LDLRAD3: variants seen among roughly 807,000 people sequenced by gnomAD.
LDLRAD3 encodes low-density lipoprotein receptor class A domain-containing protein 3.
A neutral mutation model predicts 29.4 loss-of-function variants in LDLRAD3; 20 were observed. The ratio of observed to expected loss-of-function variants is 0.68; its 90% CI spans 0.48 to 0.99. LDLRAD3 has a LOEUF of 0.99. Ranked by LOEUF, LDLRAD3 falls within the 50% of genes least tolerant of loss-of-function variation. LDLRAD3 has a pLI of 0.00. For synonymous variants in LDLRAD3, 157 were observed against 192.7 expected (o/e 0.81, Z 1.53); for missense variants, 420 against 454.3 (o/e 0.92, Z 0.69).
intron 4 of LDLRAD3, among the ~76,000 whole-genome samples, chr11:36,141,498 T>G (rs10836507): frequency 0.13 from 20,372 of 151,998 alleles, 1,627 homozygotes; most frequent in East Asian, 0.25. Flanking sequence ...CACAGCCCCA[T>G]CCCTGTCCTG....
chr11:36,197,520 C>T (rs1409107358), intron 4 of LDLRAD3: 1 of 152,224 alleles, frequency 6.6e-6, no homozygotes, highest in Non-Finnish European at 1.5e-5. Flanking sequence ...CCATACTGAC[C>T]TCATAACGAA....
intron 1 of LDLRAD3, among the ~76,000 whole-genome samples, chr11:35,977,398 G>C (rs908220273): frequency 3.3e-5 from 5 of 152,160 alleles, no homozygotes; most frequent in African/African-American, 1.2e-4. Context: ...GTAAAATCAG[G>C]AGTCTTTTTA....
At position 35,985,754 on chromosome 11, in the gene LDLRAD3, A is replaced by G. The variant is rs539325240; in HGVS notation, c.46+41610A>G. ...CCCTACACAGGCTCTCTTGCCTGCC[A>G]CCATGTAAGATGTGCCTTTGCTCCT... On this transcript the variant is annotated intron_variant, in intron 1 of 5. Coordinates refer to ENST00000315571, the MANE Select transcript of LDLRAD3 (RefSeq NM_174902.4). 4.2e-3 allele frequency among the ~76,000 whole-genome samples: 638 copies of G among 151,960 alleles called. 5 individuals carry two copies. The highest frequency in any genetic ancestry group is 0.014 in the African/African-American group (594 of 41,412).
At chr11:36,144,546 G>T (rs1184264797) in intron 4 of LDLRAD3, among the ~76,000 whole-genome samples, 1 of 149,738 alleles carries the variant, frequency 6.7e-6, no homozygotes, top group Non-Finnish European at 1.5e-5. Context: ...CTGCCGCCCC[G>T]TCTGGGATGT....
intron 4 of LDLRAD3, among the ~76,000 whole-genome samples, chr11:36,139,018 G>A (rs542879488): frequency 6.6e-5 from 10 of 152,292 alleles, no homozygotes; most frequent in African/African-American, 2.2e-4. Flanking sequence ...TCAGGAAAAT[G>A]CAACTCTCAC....
chr11:36,034,475 G>A (rs1033288957), intron 1 of LDLRAD3, among the ~76,000 whole-genome samples: 1 of 152,192 alleles, frequency 6.6e-6, no homozygotes, highest in African/African-American at 2.4e-5. Flanking sequence ...GTTGGGCAGG[G>A]TAGAGCCCCT....
intron 4 of LDLRAD3, among the ~76,000 whole-genome samples, chr11:36,136,309 A>G (rs745948467): frequency 2.6e-5 from 4 of 152,270 alleles, no homozygotes; most frequent in South Asian, 2.1e-4. Context: ...TGTTTTTCCT[A>G]TTTCACAATT....
intron 4 of LDLRAD3, among the ~76,000 whole-genome samples, chr11:36,105,571 G>A (rs558062209): frequency 6.6e-6 from 1 of 152,206 alleles, no homozygotes; most frequent in Non-Finnish European, 1.5e-5. Flanking sequence ...TGATATGACC[G>A]GTGTTCTTAT....
At chr11:36,013,597 G>A (rs779991049) in intron 1 of LDLRAD3, among the ~76,000 whole-genome samples, 10 of 152,020 alleles carry the variant, frequency 6.6e-5, no homozygotes, top group Non-Finnish European at 1.2e-4. Context: ...CGAGAGTGAT[G>A]GCTTCCAGCT....
chr11:36,218,456 T>A (rs1020217840), intron 4 of LDLRAD3, among the ~76,000 whole-genome samples: 11 of 152,168 alleles, frequency 7.2e-5, no homozygotes, highest in African/African-American at 2.7e-4. Flanking sequence ...TGTGGGAGTA[T>A]TGCAAAAAGA....
At chr11:36,148,684 G>A (rs552359135) in intron 4 of LDLRAD3, among the ~76,000 whole-genome samples, 52 of 152,174 alleles carry the variant, frequency 3.4e-4, no homozygotes, top group Admixed American at 2.4e-3. Context: ...ATGACCCTTG[G>A]GAACATGAAG....
intron 1 of LDLRAD3, among the ~76,000 whole-genome samples, chr11:36,002,673 C>T (rs1035202203): frequency 2.0e-5 from 3 of 152,168 alleles, no homozygotes; most frequent in Non-Finnish European, 2.9e-5. Context: ...TGAGTGTCAT[C>T]GAACTGGACA....
Position 35,973,613 on chromosome 11 carries a change from C to T in LDLRAD3, c.46+29469C>T, listed in dbSNP as rs560878640. On this transcript the variant is annotated intron_variant, in intron 1 of 5. Coordinates refer to ENST00000315571, the MANE Select transcript of LDLRAD3 (RefSeq NM_174902.4). ...CCGAATAGCTGGGACTACAGGTGCA[C>T]GCCACCACGCCTGGCTAATTTTTGT... Among the ~76,000 whole-genome samples, 86 of 151,646 alleles carry T rather than the reference C, an allele frequency of 5.7e-4. No homozygotes were observed. The Middle Eastern group carries it at 0.01, about 18-fold the overall frequency.
intron 2 of LDLRAD3, among the ~76,000 whole-genome samples, chr11:36,077,629 A>G (rs1053198996): frequency 2.0e-5 from 3 of 152,230 alleles, no homozygotes; most frequent in African/African-American, 7.2e-5. Flanking sequence ...GCAAGGCTGC[A>G]GGTGGACCAG....
rs538331848 is a variant in LDLRAD3, at chr11:36,047,135, A to G, written c.193+10886A>G. On this transcript the variant is annotated intron_variant, in intron 2 of 5. Transcript: ENST00000315571. ...CTGTTTGGGACCTGGGAGGGCTCCA[A>G]CTGGGGGTCCCAGCCAGTTTGGACT... Among the ~76,000 whole-genome samples the G allele has an allele frequency of 3.3e-5, 5 of 152,274 alleles. 1 individual carries two copies. Among genetic ancestry groups the G allele is most frequent in the African/African-American group, 1.2e-4 (5 of 41,558 alleles).
intron 3 of LDLRAD3, among the ~76,000 whole-genome samples, chr11:36,082,003 T>A (rs1342057622): frequency 6.6e-6 from 1 of 152,220 alleles, no homozygotes; most frequent in Non-Finnish European, 1.5e-5. Flanking sequence ...CTTGCTGTAT[T>A]TTCAGTTCTG....
chr11:36,136,169 T>C (rs938904734), intron 4 of LDLRAD3, among the ~76,000 whole-genome samples: 25 of 152,222 alleles, frequency 1.6e-4, no homozygotes, highest in African/African-American at 5.8e-4. Context: ...GAATGTGTGC[T>C]GCAGGGGGCA....
chr11:35,965,204 TCTAA>T (rs1393114456), intron 1 of LDLRAD3, among the ~76,000 whole-genome samples: 12 of 152,218 alleles, frequency 7.9e-5, no homozygotes, highest in Non-Finnish European at 1.5e-4. Context: ...CAAATCACTC[TCTAA>T]TTATCCAATC....
intron 1 of LDLRAD3, among the ~76,000 whole-genome samples, chr11:35,993,229 T>C (rs1464444915): frequency 1.3e-5 from 2 of 151,976 alleles, no homozygotes; most frequent in Admixed American, 1.3e-4. Context: ...TTGAGCAAAT[T>C]TGGGGGTAAA....
Sources: gnomAD v4.1 joint callset for allele counts (sites outside exome capture counted in the v4.1 genomes callset) on GRCh38, gnomAD v4.1.1 for gene constraint, MANE v1.5 for transcripts, NCBI Gene and HGNC (gene_info 2026-07-23, HGNC 2026-07-21) for gene names.